Variants in NAV3 observed in about 807,000 individuals in gnomAD.
NAV3 encodes pore membrane and/or filament interacting like protein 1.
NAV3 carries 87 observed loss-of-function variants against 244.7 expected under a neutral mutation model. The observed-to-expected ratio is 0.36, with a 90% CI of 0.30 to 0.42. The LOEUF (loss-of-function observed/expected upper bound fraction) is 0.42. NAV3 is among the 20% of genes least tolerant of loss of function. The pLI is 1.00. For synonymous variants in NAV3, 1,126 were observed against 1,042.2 expected (o/e 1.08, Z -1.55); for missense variants, 2,663 against 2,893.3 (o/e 0.92, Z 1.83).
At position 78,142,795 on chromosome 12, in the gene NAV3, G is replaced by A. The variant is rs570528127; in HGVS notation, c.4683+2461G>A. Among the ~76,000 whole-genome samples the A allele has an allele frequency of 2.7e-5, 4 of 150,130 alleles. No homozygotes were observed. In the East Asian group the frequency reaches 7.8e-4, roughly 29 times the overall value. ...TAGGGTATATCCTAGTGTTAAGTGA[G>A]TAAAGAATGGATTAGGTGATCGAGC... On this transcript the variant is annotated intron_variant, in intron 20 of 39. Coordinates refer to ENST00000397909, the MANE Select transcript of NAV3 (RefSeq NM_001024383.2).
intron 2 of NAV3, among the ~76,000 whole-genome samples, chr12:77,633,656 T>C (rs576160326): frequency 9.9e-4 from 150 of 152,252 alleles, no homozygotes; most frequent in Non-Finnish European, 1.9e-3. Context: ...ATGTTAGCAG[T>C]GAAGTTGGTA....
intron 12 of NAV3, among the ~76,000 whole-genome samples, chr12:78,077,672 T>C (rs1953120282): frequency 6.6e-6 from 1 of 152,218 alleles, no homozygotes; most frequent in African/African-American, 2.4e-5. Flanking sequence ...GCACAGTGGC[T>C]CATGCCTATA....
intron 2 of NAV3, among the ~76,000 whole-genome samples, chr12:77,652,569 A>C (rs547754602): frequency 6.6e-6 from 1 of 152,362 alleles, no homozygotes; most frequent in African/African-American, 2.4e-5. Context: ...TGTAATACCA[A>C]GAAAAAAATC....
chr12:77,812,502 C>G (rs1362658170), intron 2 of NAV3, among the ~76,000 whole-genome samples: 4 of 151,800 alleles, frequency 2.6e-5, no homozygotes, highest in African/African-American at 9.7e-5. Flanking sequence ...GCAGCCTCCA[C>G]CTTCTGGGTT....
chr12:77,684,000 A>G (rs1004040598), intron 2 of NAV3, among the ~76,000 whole-genome samples: 4 of 152,172 alleles, frequency 2.6e-5, no homozygotes, highest in Non-Finnish European at 4.4e-5. Flanking sequence ...TATAATTTTA[A>G]AAGAAACTGC....
chr12:77,852,863 T>A (rs1877761011), intron 1 of NAV3, among the ~76,000 whole-genome samples: 1 of 152,200 alleles, frequency 6.6e-6, no homozygotes, highest in African/African-American at 2.4e-5. Context: ...CCACAATTTA[T>A]TTTTTATTCT....
At chr12:78,112,947 G>A (rs1780811919) in intron 12 of NAV3, among the ~76,000 whole-genome samples, 1 of 152,174 alleles carries the variant, frequency 6.6e-6, no homozygotes, top group Non-Finnish European at 1.5e-5. Flanking sequence ...CACAGTCATT[G>A]GGTAAATACA....
At chr12:77,958,974 C>A (rs1213810832) in intron 3 of NAV3, among the ~76,000 whole-genome samples, 1 of 152,048 alleles carries the variant, frequency 6.6e-6, no homozygotes. Flanking sequence ...TGTATTACTG[C>A]TATAAAGGAA....
intron 28 of NAV3, 149 bp from the exon 29 acceptor site, chr12:78,179,380 A>T: frequency 1.3e-6 from 1 of 785,732 alleles, no homozygotes; most frequent in Non-Finnish European, 1.9e-6. Flanking sequence ...CGTTTGTAAA[A>T]CTCCTTCTCC....
intron 2 of NAV3, among the ~76,000 whole-genome samples, chr12:77,758,450 C>T (rs1428996880): frequency 1.3e-5 from 2 of 152,084 alleles, no homozygotes; most frequent in East Asian, 3.9e-4. Flanking sequence ...TCAAGAAAAT[C>T]AACAACATGT....
At chr12:77,963,800 A>T (rs903419102) in intron 3 of NAV3, among the ~76,000 whole-genome samples, 2 of 151,762 alleles carry the variant, frequency 1.3e-5, no homozygotes, top group Non-Finnish European at 2.9e-5. Context: ...AGAATGTATT[A>T]TCGATCATTT....
chr12:77,771,840 C>T lies in NAV3; in HGVS notation c.73-168479C>T, dbSNP rs142215697. The stretch of plus-strand genomic sequence containing the variant: ...TGACAAGTTAATGGGTGCAGCACAC[C>T]GACATGGCACATGTATACATATGTA... On this transcript the variant is annotated intron_variant, in intron 2 of 8. Coordinates refer to the NAV3 transcript ENST00000550042. Among the ~76,000 whole-genome samples the T allele has an allele frequency of 6.5e-4, 99 of 151,724 alleles. 1 individual carries two copies. Among genetic ancestry groups the T allele is most frequent in the African/African-American group, 2.2e-3 (91 of 41,330 alleles).
intron 1 of NAV3, among the ~76,000 whole-genome samples, chr12:77,840,099 T>G (rs1217075167): frequency 3.9e-5 from 6 of 151,962 alleles, no homozygotes; most frequent in Non-Finnish European, 7.4e-5. Context: ...AAATAAAGAA[T>G]GAATTTGATT....
At chr12:78,156,931 C>A (rs942689277) in intron 22 of NAV3, among the ~76,000 whole-genome samples, 4 of 152,016 alleles carry the variant, frequency 2.6e-5, no homozygotes, top group Non-Finnish European at 5.9e-5. Flanking sequence ...CAAAAGAAAA[C>A]CACAAAAGAA....
rs1056104287 is a variant in NAV3, at chr12:77,779,016, A to T, written c.73-161303A>T. Among the ~76,000 whole-genome samples, 26 of 152,234 alleles carry T rather than the reference A, an allele frequency of 1.7e-4. 1 individual carries two copies. Among genetic ancestry groups the T allele is most frequent in the Admixed American group, 5.2e-4 (8 of 15,286 alleles). Reference sequence around the variant, plus strand: ...TAATGGAATTTGAAAATATAAATTTAAAAAAGTTTTACTTGCAAGCCTTGT... The same window carrying T: ...TAATGGAATTTGAAAATATAAATTTTAAAAAGTTTTACTTGCAAGCCTTGT... On this transcript the variant is annotated intron_variant, in intron 2 of 8. Coordinates refer to the NAV3 transcript ENST00000550042.
At chr12:77,843,524 T>C (rs992646491) in intron 1 of NAV3, among the ~76,000 whole-genome samples, 1 of 132,732 alleles carries the variant, frequency 7.5e-6, no homozygotes, top group Non-Finnish European at 1.6e-5. Flanking sequence ...TAAATTCCTA[T>C]TTTTTTTTTT....
At chr12:77,750,269 T>C (rs780494695) in intron 2 of NAV3, among the ~76,000 whole-genome samples, 7 of 152,000 alleles carry the variant, frequency 4.6e-5, no homozygotes, top group Non-Finnish European at 1.5e-5. Context: ...AGGAGAATCT[T>C]TTGAACCTGG....
At chr12:77,686,712 A>C (rs1162690293) in intron 2 of NAV3, among the ~76,000 whole-genome samples, 1 of 152,074 alleles carries the variant, frequency 6.6e-6, no homozygotes, top group African/African-American at 2.4e-5. Context: ...TCAGATCATA[A>C]GCATATGGTG....
rs187916905 is a variant in NAV3 at position 77,636,990 on chromosome 12, G to C, written c.72+64724G>C. Among the ~76,000 whole-genome samples, 21 of 152,068 alleles carry C rather than the reference G, an allele frequency of 1.4e-4. No homozygotes were observed. The East Asian group carries it at 2.1e-3, about 15-fold the overall frequency. On this transcript the variant is annotated intron_variant, in intron 2 of 8. Transcript: ENST00000550042. ...GAACATCACACACTGGGGCCTGTTG[G>C]GGGGTGGGGTCTTAGGAGAGGGATA...
Sources: allele counts gnomAD v4.1 joint callset (sites outside exome capture counted in the v4.1 genomes callset), GRCh38; gene constraint gnomAD v4.1.1; transcripts MANE v1.5; gene names NCBI Gene and HGNC (gene_info 2026-07-23, HGNC 2026-07-21).